Variants in ARPC3 observed in about 807,000 individuals in gnomAD.
ARPC3 encodes the protein actin-related protein 2/3 complex subunit 3.
In ARPC3, 12 loss-of-function variants were observed where a neutral mutation model predicts 27.6. The ratio of observed to expected loss-of-function variants is 0.43; its 90% CI spans 0.28 to 0.70. The LOEUF is 0.70. ARPC3 is among the 30% of genes least tolerant of loss of function. The probability of loss-of-function intolerance (pLI) is 0.17; values close to 1 mark genes in which losing one functional copy is unlikely to be tolerated. For missense variants in ARPC3, 153 were observed against 207.7 expected (o/e 0.74, Z 1.62); for synonymous variants, 53 against 67.2 (o/e 0.79, Z 1.03).
At chr12:110,440,178 A>G (rs2062427927) in intron 3 of ARPC3, 134 bp downstream of exon 3, 1 of 696,536 alleles carries the variant, frequency 1.4e-6, no homozygotes, top group Admixed American at 2.5e-5. Context: ...AAAAGCTAAC[A>G]TTAAGCACTG....
intron 1 of ARPC3, among the ~76,000 whole-genome samples, chr12:110,448,662 A>G (rs2062479003): frequency 6.6e-6 from 1 of 151,426 alleles, no homozygotes; most frequent in Admixed American, 6.6e-5. Context: ...CAAAAAAAAA[A>G]AAAATGTATT....
At chr12:110,445,630 GAA>G in intron 1 of ARPC3, 79 bp from the exon 2 acceptor site, 1 of 1,079,028 alleles carries the variant, frequency 9.3e-7, no homozygotes, top group Non-Finnish European at 1.4e-6. Context: ...TCCCTTAAAG[GAA>G]AAAAAGAGTA....
chr12:110,445,130 C>CA (rs2062457083), intron 2 of ARPC3: 1 of 296,002 alleles, frequency 3.4e-6, no homozygotes, highest in South Asian at 3.6e-5. Context: ...AGGTTGATGA[C>CA]AGAAAGGATG....
At chr12:110,438,250 T>C (rs1047674053) in intron 3 of ARPC3, among the ~76,000 whole-genome samples, 1 of 146,932 alleles carries the variant, frequency 6.8e-6, no homozygotes, top group African/African-American at 2.5e-5. Flanking sequence ...GAGTCAAGAC[T>C]GTACCACTGC....
intron 3 of ARPC3, among the ~76,000 whole-genome samples, chr12:110,438,965 T>C (rs998480230): frequency 2.6e-5 from 4 of 151,672 alleles, no homozygotes; most frequent in African/African-American, 9.7e-5. Flanking sequence ...ATATAGTATC[T>C]GGGAACAAAT....
At chr12:110,436,042 G>C in intron 6 of ARPC3, 68 bp downstream of exon 6, 1 of 1,190,660 alleles carries the variant, frequency 8.4e-7, no homozygotes, top group South Asian at 1.2e-5. Context: ...GAAGACCTTA[G>C]TGTGTTCAAT....
chr12:110,437,636 G>A (rs960901445), intron 3 of ARPC3, among the ~76,000 whole-genome samples: 9 of 152,076 alleles, frequency 5.9e-5, no homozygotes, highest in Non-Finnish European at 7.4e-5. Flanking sequence ...CCAAAGTGCT[G>A]GGATTACAGG....
chr12:110,449,986 G>A (rs761735537), intron 1 of ARPC3, among the ~76,000 whole-genome samples: 3 of 133,466 alleles, frequency 2.2e-5, no homozygotes, highest in Non-Finnish European at 4.7e-5. Flanking sequence ...GAACCCTGCC[G>A]GAGTCGGAAG....
At chr12:110,445,162 A>T in intron 2 of ARPC3, 1 of 359,548 alleles carries the variant, frequency 2.8e-6, no homozygotes, top group Non-Finnish European at 5.2e-6. Flanking sequence ...TTCTAGACGT[A>T]ACAGCATTAG....
intron 1 of ARPC3, among the ~76,000 whole-genome samples, chr12:110,446,632 G>A (rs1380036738): frequency 2.2e-5 from 3 of 136,246 alleles, no homozygotes; most frequent in Non-Finnish European, 3.1e-5. Context: ...TTTTTGAGAC[G>A]GAGTCTTGCC....
chr12:110,438,187 T>C (rs1223314022), intron 3 of ARPC3, among the ~76,000 whole-genome samples: 1 of 151,082 alleles, frequency 6.6e-6, no homozygotes, highest in African/African-American at 2.4e-5. Flanking sequence ...TCCCAGCTGC[T>C]AGGGAGGCTA....
At chr12:110,449,364 C>T (rs113843097) in intron 1 of ARPC3, among the ~76,000 whole-genome samples, 1 of 151,758 alleles carries the variant, frequency 6.6e-6, no homozygotes, top group Non-Finnish European at 1.5e-5. Context: ...GAGTTCCAGA[C>T]CAGCCTGGCC....
intron 1 of ARPC3, among the ~76,000 whole-genome samples, chr12:110,447,148 C>T (rs1258998337): frequency 2.0e-5 from 3 of 152,112 alleles, no homozygotes; most frequent in Non-Finnish European, 4.4e-5. Context: ...CACTTCATGG[C>T]GTTATGCTTT....
chr12:110,447,943 C>A (rs2062475264), intron 1 of ARPC3, among the ~76,000 whole-genome samples: 1 of 133,600 alleles, frequency 7.5e-6, no homozygotes, highest in Non-Finnish European at 1.5e-5. Context: ...AGTACAGTGG[C>A]AGGATCACAG....
chr12:110,444,459 A>G (rs2062453915), intron 2 of ARPC3, among the ~76,000 whole-genome samples: 1 of 151,668 alleles, frequency 6.6e-6, no homozygotes, highest in African/African-American at 2.4e-5. Context: ...TAATTTTTGT[A>G]TTTTTAGTAG....
chr12:110,436,452 C>T, intron 5 of ARPC3, 105 bp downstream of exon 5: 2 of 1,539,720 alleles, frequency 1.3e-6, no homozygotes, highest in South Asian at 2.2e-5. Context: ...TATGATTTCA[C>T]TCTCAATCTG....
At position 110,445,304 on chromosome 12, in the gene ARPC3, T is replaced by C; in HGVS notation, c.106+148A>G. 3 of 672,862 alleles carry C rather than the reference T, an allele frequency of 4.5e-6. No homozygotes were observed. The South Asian group carries it at 4.9e-5, about 11-fold the overall frequency. The allele number at this position is 672,862 out of a possible 1,614,324, so 41.7% of individuals were successfully genotyped here. The stretch of plus-strand genomic sequence containing the variant: ...TAAATGCAACATATAACCACTATCT[T>C]GAAAGGTCTAGACCACAGTATCTAC... On this transcript the variant is annotated intron_variant, in intron 2 of 6. Coordinates refer to ENST00000228825, the MANE Select transcript of ARPC3 (RefSeq NM_001278556.2).
chr12:110,438,814 T>A (rs1459539726), intron 3 of ARPC3, among the ~76,000 whole-genome samples: 1 of 151,236 alleles, frequency 6.6e-6, no homozygotes, highest in Non-Finnish European at 1.5e-5. Flanking sequence ...CAGTTAATTT[T>A]GTATTTTTAG....
chr12:110,436,707 TATATACAC>T (rs746423527), intron 4 of ARPC3, 24 bp from the exon 5 acceptor site: 13,894 of 812,352 alleles, frequency 0.017, 159 homozygotes, highest in Admixed American at 0.061. Context: ...TATATATATA[TATATACAC>T]ACACACACAC....
Sources: allele counts gnomAD v4.1 joint callset (sites outside exome capture counted in the v4.1 genomes callset), GRCh38; gene constraint gnomAD v4.1.1; transcripts MANE v1.5; gene names NCBI Gene and HGNC (gene_info 2026-07-23, HGNC 2026-07-21).